MEI4: variants seen among roughly 807,000 people sequenced by gnomAD.
MEI4 encodes the protein meiotic double-stranded break formation protein 4.
Under a neutral mutation model 31.4 loss-of-function variants are expected in MEI4, and 27 were observed. The observed-to-expected ratio is 0.86, with a 90% CI of 0.63 to 1.19. The LOEUF is 1.19. MEI4 is among the 50% of genes most tolerant of loss of function. The probability of loss-of-function intolerance (pLI) is 0.00; values close to 1 mark genes in which losing one functional copy is unlikely to be tolerated. For synonymous variants in MEI4, 122 were observed against 145.4 expected, an observed-to-expected ratio of 0.84 and a Z score of 1.16; for missense variants, 329 against 398.9, an observed-to-expected ratio of 0.82 and a Z score of 1.49.
intron 4 of MEI4, among the ~76,000 whole-genome samples, chr6:77,889,807 T>C (rs1771714449): frequency 6.6e-6 from 1 of 152,200 alleles, no homozygotes; most frequent in Non-Finnish European, 1.5e-5. Flanking sequence ...CATAGTGCCC[T>C]GTGTCTCTGC....
At chr6:77,741,672 GGTTA>G (rs574932392) in intron 2 of MEI4, among the ~76,000 whole-genome samples, 164 of 151,862 alleles carry the variant, frequency 1.1e-3, no homozygotes, top group African/African-American at 2.6e-3. Flanking sequence ...ACAATGTGCA[GGTTA>G]GTTACATATG....
chr6:77,911,058 A>G (rs1315484572), intron 4 of MEI4, among the ~76,000 whole-genome samples: 1 of 150,432 alleles, frequency 6.6e-6, no homozygotes, highest in African/African-American at 2.4e-5. Flanking sequence ...ACCCATTTGT[A>G]TGTCTCCTCC....
intron 2 of MEI4, among the ~76,000 whole-genome samples, chr6:77,695,260 T>C (rs1765995073): frequency 6.6e-6 from 1 of 152,078 alleles, no homozygotes; most frequent in Non-Finnish European, 1.5e-5. Context: ...AGAAGCTCTT[T>C]AGTTGAATTA....
intron 4 of MEI4, among the ~76,000 whole-genome samples, chr6:77,914,384 A>T (rs932891189): frequency 6.6e-6 from 1 of 151,964 alleles, no homozygotes; most frequent in Non-Finnish European, 1.5e-5. Context: ...TTTAATTTGA[A>T]TGTATTTGTA....
chr6:77,875,498 A>T (rs910277086), intron 4 of MEI4, among the ~76,000 whole-genome samples: 1 of 152,224 alleles, frequency 6.6e-6, no homozygotes, highest in Non-Finnish European at 1.5e-5. Context: ...AGGACCCTTC[A>T]AAGCATGTTT....
intron 2 of MEI4, among the ~76,000 whole-genome samples, chr6:77,709,868 C>T (rs1439378562): frequency 6.6e-6 from 1 of 152,082 alleles, no homozygotes; most frequent in East Asian, 1.9e-4. Flanking sequence ...AGTGTTTATT[C>T]TCATGTGTTT....
intron 2 of MEI4, among the ~76,000 whole-genome samples, chr6:77,746,241 GA>G (rs1214305234): frequency 6.6e-6 from 1 of 152,000 alleles, no homozygotes; most frequent in Non-Finnish European, 1.5e-5. Flanking sequence ...TAATAAAGAA[GA>G]AAAGAGAGAA....
At chr6:77,841,834 A>G (rs958610855) in intron 4 of MEI4, among the ~76,000 whole-genome samples, 8 of 152,304 alleles carry the variant, frequency 5.3e-5, no homozygotes, top group Admixed American at 5.2e-4. Flanking sequence ...AAGAACATCA[A>G]CAGGGTAAAG....
chr6:77,752,132 G>A (rs1175061281), intron 2 of MEI4, among the ~76,000 whole-genome samples: 6 of 152,020 alleles, frequency 3.9e-5, no homozygotes, highest in Admixed American at 1.3e-4. Context: ...AATAATAAGA[G>A]CTATTTATGA....
rs73763515 is a variant in MEI4 at position 77,860,200 on chromosome 6, T to C, written c.900+31138T>C. Among the ~76,000 whole-genome samples the C allele has an allele frequency of 9.1e-3, 1,391 of 152,302 alleles. 17 individuals are homozygous for C. The highest frequency in any genetic ancestry group is 0.031 in the African/African-American group (1,287 of 41,564). On this transcript the variant is annotated intron_variant, in intron 4 of 4. Coordinates refer to ENST00000684080, the MANE Select transcript of MEI4 (RefSeq NM_001322247.2). ...CAGCAGAATGTGGATTTTTCTAGCC[T>C]TGTTCCACTTCTCTCTCTACTGTAA...
intron 4 of MEI4, among the ~76,000 whole-genome samples, chr6:77,849,918 C>T (rs956314792): frequency 6.6e-6 from 1 of 152,084 alleles, no homozygotes; most frequent in Admixed American, 6.6e-5. Flanking sequence ...GTTTTAAACC[C>T]ATACTGAAGA....
rs553710850 is a variant in MEI4 at position 77,712,209 on chromosome 6, A to G, written c.232+21306A>G. Among the ~76,000 whole-genome samples the G allele has an allele frequency of 1.4e-3, 213 of 152,314 alleles. 1 individual carries two copies. The highest frequency in any genetic ancestry group is 4.5e-3 in the African/African-American group (187 of 41,572). On this transcript the variant is annotated intron_variant, in intron 2 of 4. Transcript: ENST00000684080. Reference sequence around the variant, plus strand: ...TATACACACACATACACATATCTACATGATTTTTAGTTAAAATTACACTAA... The same window carrying G: ...TATACACACACATACACATATCTACGTGATTTTTAGTTAAAATTACACTAA...
chr6:77,852,905 A>C (rs547564499), intron 4 of MEI4, among the ~76,000 whole-genome samples: 1 of 152,246 alleles, frequency 6.6e-6, no homozygotes, highest in South Asian at 2.1e-4. Flanking sequence ...AAAGCCAATA[A>C]GACAGATTAG....
At chr6:77,792,081 AT>A (rs1768952829) in intron 3 of MEI4, among the ~76,000 whole-genome samples, 2 of 152,098 alleles carry the variant, frequency 1.3e-5, no homozygotes, top group Non-Finnish European at 2.9e-5. Context: ...ACCTAATGTA[AT>A]GTCCTCCAGG....
At chr6:77,697,250 T>C (rs1006784510) in intron 2 of MEI4, among the ~76,000 whole-genome samples, 1 of 152,192 alleles carries the variant, frequency 6.6e-6, no homozygotes, top group Non-Finnish European at 1.5e-5. Context: ...GAAGAGTTTT[T>C]TGTGTCTCTA....
chr6:77,815,212 T>C (rs1769661909), intron 3 of MEI4, among the ~76,000 whole-genome samples: 1 of 152,090 alleles, frequency 6.6e-6, no homozygotes, highest in Non-Finnish European at 1.5e-5. Flanking sequence ...ACAGACAGGC[T>C]TTCTTTCTTC....
intron 3 of MEI4, among the ~76,000 whole-genome samples, chr6:77,777,369 C>A (rs575554558): frequency 2.0e-5 from 3 of 152,190 alleles, no homozygotes; most frequent in African/African-American, 7.2e-5. Flanking sequence ...AAGCCAGGTG[C>A]TAGAATATAA....
In MEI4 at chr6:77,712,694, G is replaced by A. The variant is rs191111433; in HGVS notation, c.232+21791G>A. On this transcript the variant is annotated intron_variant, in intron 2 of 4. Coordinates refer to ENST00000684080, the MANE Select transcript of MEI4 (RefSeq NM_001322247.2). ...AAGAAAGGAACAACAAAAGGAGGCC[G>A]GGTGCGGTGGCTCATGCCTGTAATC... is the stretch of plus-strand genomic sequence containing the variant. Among the ~76,000 whole-genome samples, 220 of 152,276 alleles carry A rather than the reference G, an allele frequency of 1.4e-3. 1 individual carries two copies. Among genetic ancestry groups the A allele is most frequent in the African/African-American group, 4.5e-3 (187 of 41,558 alleles).
intron 3 of MEI4, among the ~76,000 whole-genome samples, chr6:77,826,000 T>C (rs1004713316): frequency 1.3e-5 from 2 of 152,172 alleles, no homozygotes; most frequent in Non-Finnish European, 2.9e-5. Context: ...TGGCTGGGAA[T>C]ATAAATTCCC....
Sources: gnomAD v4.1 joint callset for allele counts (sites outside exome capture counted in the v4.1 genomes callset) on GRCh38, gnomAD v4.1.1 for gene constraint, MANE v1.5 for transcripts, NCBI Gene and HGNC (gene_info 2026-07-23, HGNC 2026-07-21) for gene names.